The following KCNIP4 variants were observed in gnomAD, a reference collection of about 807,000 sequenced individuals.
The protein encoded by KCNIP4 is potassium voltage-gated channel interacting protein 4.
KCNIP4 carries 12 observed loss-of-function variants against 34.0 expected under a neutral mutation model. That is an observed-to-expected ratio of 0.35 (90% CI 0.23 to 0.57). The LOEUF is 0.57. KCNIP4 is among the 20% of genes least tolerant of loss of function. The pLI is 0.83. For synonymous variants in KCNIP4, 124 were observed against 102.2 expected, an observed-to-expected ratio of 1.21 and a Z score of -1.29; for missense variants, 238 against 311.7, an observed-to-expected ratio of 0.76 and a Z score of 1.78.
At chr4:21,627,424 C>A (rs1745419886) in intron 1 of KCNIP4, among the ~76,000 whole-genome samples, 1 of 152,090 alleles carries the variant, frequency 6.6e-6, no homozygotes, top group African/African-American at 2.4e-5. Flanking sequence ...AACTGTTAAT[C>A]CTCATTTATT....
At chr4:21,065,837 A>T (rs1253988240) in intron 1 of KCNIP4, among the ~76,000 whole-genome samples, 1 of 149,660 alleles carries the variant, frequency 6.7e-6, no homozygotes, top group Non-Finnish European at 1.5e-5. Context: ...ATACTTTAAG[A>T]TTTATTTTCA....
intron 3 of KCNIP4, among the ~76,000 whole-genome samples, chr4:20,778,086 C>T (rs1311940951): frequency 6.6e-6 from 1 of 152,140 alleles, no homozygotes. Context: ...TAACTCAAGG[C>T]CTCCACTCCC....
intron 1 of KCNIP4, among the ~76,000 whole-genome samples, chr4:21,889,627 T>C (rs905682779): frequency 2.6e-5 from 4 of 152,046 alleles, no homozygotes; most frequent in African/African-American, 9.7e-5. Flanking sequence ...AGGGTTTCAA[T>C]TTGTGAATAC....
intron 1 of KCNIP4, among the ~76,000 whole-genome samples, chr4:21,007,488 A>T (rs1399591861): frequency 6.6e-6 from 1 of 152,072 alleles, no homozygotes; most frequent in Non-Finnish European, 1.5e-5. Flanking sequence ...CAAAAACTAG[A>T]TCTTATTCAT....
chr4:21,654,667 T>C (rs1747779680), intron 1 of KCNIP4, among the ~76,000 whole-genome samples: 1 of 152,090 alleles, frequency 6.6e-6, no homozygotes, highest in South Asian at 2.1e-4. Context: ...CTCATGCCTG[T>C]AATCCCAGCA....
intron 1 of KCNIP4, among the ~76,000 whole-genome samples, chr4:21,293,359 TA>T (rs1763652472): frequency 6.6e-6 from 1 of 152,158 alleles, no homozygotes; most frequent in Non-Finnish European, 1.5e-5. Context: ...TTTTAAATGG[TA>T]AAGTCCATAC....
At chr4:21,016,214 C>T (rs1159185751) in intron 1 of KCNIP4, among the ~76,000 whole-genome samples, 1 of 151,054 alleles carries the variant, frequency 6.6e-6, no homozygotes, top group African/African-American at 2.4e-5. Flanking sequence ...GGGCTTAGGT[C>T]GCTGACAATA....
chr4:20,896,081 G>A (rs902355059), intron 1 of KCNIP4, among the ~76,000 whole-genome samples: 3 of 152,088 alleles, frequency 2.0e-5, no homozygotes, highest in Non-Finnish European at 4.4e-5. Context: ...GGAACTGGAT[G>A]GTCTGGCAAC....
intron 1 of KCNIP4, among the ~76,000 whole-genome samples, chr4:21,052,851 C>A (rs1017516664): frequency 6.6e-6 from 1 of 151,992 alleles, no homozygotes. Flanking sequence ...GTGCTAGTGT[C>A]TGGGGCTGGA....
At chr4:20,985,662 A>G (rs753059751) in intron 1 of KCNIP4, among the ~76,000 whole-genome samples, 2 of 152,176 alleles carry the variant, frequency 1.3e-5, no homozygotes, top group Admixed American at 6.5e-5. Context: ...TTGGGGGCTT[A>G]TAGTTTAATG....
At position 21,055,193 on chromosome 4, in the gene KCNIP4, A is replaced by T. The variant is rs999859092; in HGVS notation, c.62-172484T>A. Among the ~76,000 whole-genome samples the T allele has an allele frequency of 5.9e-5, 9 of 152,202 alleles. No individual in the cohort carries two copies. The South Asian group carries it at 1.9e-3, about 31-fold the overall frequency. ...GCTTCCCATCATATGTAATTACAGG[A>T]GTATAAATTAAAACAACAATGAGAT... On this transcript the variant is annotated intron_variant, in intron 1 of 8. Coordinates refer to ENST00000382152, the MANE Select transcript of KCNIP4 (RefSeq NM_025221.6).
chr4:21,105,987 A>G (rs1282550700), intron 1 of KCNIP4, among the ~76,000 whole-genome samples: 1 of 151,352 alleles, frequency 6.6e-6, no homozygotes, highest in Non-Finnish European at 1.5e-5. Flanking sequence ...GTGCTGCTGG[A>G]TTCGGTTTGC....
chr4:20,980,738 T>C (rs1018982739), intron 1 of KCNIP4, among the ~76,000 whole-genome samples: 2 of 151,842 alleles, frequency 1.3e-5, no homozygotes, highest in Non-Finnish European at 2.9e-5. Context: ...GAGGACAACA[T>C]GTAAGCTCAA....
chr4:20,834,027 T>C (rs993100863), intron 3 of KCNIP4, among the ~76,000 whole-genome samples: 4 of 152,154 alleles, frequency 2.6e-5, no homozygotes, highest in Non-Finnish European at 5.9e-5. Flanking sequence ...CAAGAATACA[T>C]AGCAGGTAGC....
chr4:21,510,164 T>A (rs1359163278), intron 1 of KCNIP4, among the ~76,000 whole-genome samples: 1 of 152,040 alleles, frequency 6.6e-6, no homozygotes, highest in African/African-American at 2.4e-5. Context: ...TATTTTCCTA[T>A]TGAAATGATG....
intron 3 of KCNIP4, among the ~76,000 whole-genome samples, chr4:20,819,820 C>A (rs1716883793): frequency 6.6e-6 from 1 of 152,220 alleles, no homozygotes; most frequent in African/African-American, 2.4e-5. Context: ...CTGGAGGATG[C>A]ACTTCCAAAG....
intron 1 of KCNIP4, among the ~76,000 whole-genome samples, chr4:21,714,822 T>C (rs1181179105): frequency 0.027 from 5 of 184 alleles, no homozygotes; most frequent in Non-Finnish European, 0.039. Flanking sequence ...TTATTTTATT[T>C]TATTTTATTT....
intron 1 of KCNIP4, among the ~76,000 whole-genome samples, chr4:21,147,962 A>AAAAAAAAAAAAG (rs1553945858): frequency 1.8e-4 from 22 of 123,896 alleles, no homozygotes; most frequent in East Asian, 5.1e-4. Flanking sequence ...AAAAAAAAAG[A>AAAAAAAAAAAAG]AAAAAAGTTC....
intron 3 of KCNIP4, among the ~76,000 whole-genome samples, chr4:20,840,326 C>T (rs544285803): frequency 7.0e-4 from 107 of 152,256 alleles, no homozygotes; most frequent in African/African-American, 2.6e-3. Flanking sequence ...GGGTCTTGTA[C>T]ATCCCCTAGC....
Sources: allele counts gnomAD v4.1 joint callset (sites outside exome capture counted in the v4.1 genomes callset), GRCh38; gene constraint gnomAD v4.1.1; transcripts MANE v1.5; gene names NCBI Gene and HGNC (gene_info 2026-07-23, HGNC 2026-07-21).